The following SEC23IP variants were observed in gnomAD, a reference collection of about 807,000 sequenced individuals.
The protein encoded by SEC23IP is SEC23-interacting protein.
In SEC23IP, 70 loss-of-function variants were observed where a neutral mutation model predicts 113.4. The observed-to-expected ratio is 0.62, with a 90% CI of 0.51 to 0.75. The LOEUF is 0.75. Among genes scored for constraint, SEC23IP ranks in the 30% least tolerant of loss-of-function variants. The probability of loss-of-function intolerance (pLI) is 0.00; values close to 1 mark genes in which losing one functional copy is unlikely to be tolerated. For synonymous variants in SEC23IP, 398 were observed against 421.0 expected (o/e 0.95, Z 0.67); for missense variants, 1,160 against 1,204.9 (o/e 0.96, Z 0.55).
chr10:119,911,483 A>G (rs1854860862), intron 5 of SEC23IP, among the ~76,000 whole-genome samples: 1 of 151,160 alleles, frequency 6.6e-6, no homozygotes, highest in African/African-American at 2.4e-5. Context: ...ATTTTTGTTT[A>G]GTTTTTTTTT....
intron 1 of SEC23IP, among the ~76,000 whole-genome samples, chr10:119,897,269 G>T (rs997450358): frequency 2.0e-5 from 3 of 152,216 alleles, no homozygotes; most frequent in African/African-American, 7.2e-5. Flanking sequence ...TAAAAGTTTC[G>T]TAAGGAATAA....
At chr10:119,893,887 A>G (rs61870583) in intron 1 of SEC23IP, among the ~76,000 whole-genome samples, 5 of 152,078 alleles carry the variant, frequency 3.3e-5, no homozygotes, top group Middle Eastern at 3.4e-3. Context: ...CCCCACTCCT[A>G]TGTGCACTCC....
In SEC23IP at chr10:119,943,656, A is replaced by G. The variant is rs1172206306; in HGVS notation, c.*3091A>G. On this transcript the variant is annotated 3_prime_UTR_variant, in exon 19 of 19. Coordinates refer to ENST00000369075, the MANE Select transcript of SEC23IP (RefSeq NM_007190.4). Reference sequence around the variant, plus strand: ...CAGATTTCCCGAATGTATTGGTCCCAGAGAACACTGAAAATAATGTCATGT... The same window carrying G: ...CAGATTTCCCGAATGTATTGGTCCCGGAGAACACTGAAAATAATGTCATGT... 6.6e-6 allele frequency: 1 copy of G among 152,262 alleles called. No homozygotes were observed. Among genetic ancestry groups the G allele is most frequent in the East Asian group, 1.9e-4 (1 of 5,208 alleles). The allele number at this position is 152,262 out of a possible 1,614,324, so 9.4% of individuals were successfully genotyped here.
chr10:119,909,839 G>A (rs1854801748), intron 5 of SEC23IP, among the ~76,000 whole-genome samples: 1 of 152,044 alleles, frequency 6.6e-6, no homozygotes, highest in African/African-American at 2.4e-5. Flanking sequence ...GTAGTGAGCT[G>A]TGATCACGCT....
chr10:119,912,291 C>A, intron 6 of SEC23IP, 127 bp downstream of exon 6: 1 of 981,128 alleles, frequency 1.0e-6, no homozygotes, highest in Non-Finnish European at 1.5e-6. Context: ...CACCACCACT[C>A]CCAGCTAATA....
intron 2 of SEC23IP, 131 bp from the exon 3 acceptor site, chr10:119,902,668 G>T (rs1343892273): frequency 1.2e-5 from 9 of 742,734 alleles, no homozygotes; most frequent in South Asian, 3.5e-5. Flanking sequence ...TTGCTTTGGG[G>T]TCTAGTTATT....
At chr10:119,939,790 G>C (rs1241156828) in intron 18 of SEC23IP, among the ~76,000 whole-genome samples, 2 of 152,020 alleles carry the variant, frequency 1.3e-5, no homozygotes, top group East Asian at 3.9e-4. Context: ...CTGACTCCCA[G>C]GCTCAAGCGA....
intron 13 of SEC23IP, among the ~76,000 whole-genome samples, chr10:119,928,914 G>A (rs956237557): frequency 1.3e-5 from 2 of 152,242 alleles, no homozygotes; most frequent in Non-Finnish European, 2.9e-5. Flanking sequence ...TGCCGAGCTC[G>A]TGCTAAGCAC....
intron 15 of SEC23IP, among the ~76,000 whole-genome samples, chr10:119,930,950 G>T (rs1210252120): frequency 6.6e-6 from 1 of 152,168 alleles, no homozygotes. Context: ...GATGGGAGGG[G>T]TAGAAGAGAA....
In SEC23IP at chr10:119,942,890, G is replaced by A. The variant is rs1040360704; in HGVS notation, c.*2325G>A. The A allele has an allele frequency of 6.6e-6, 1 of 152,194 alleles. No homozygotes were observed. The highest frequency in any genetic ancestry group is 1.5e-5 in the Non-Finnish European group (1 of 68,042). The allele number at this position is 152,194 out of a possible 1,614,324, so 9.4% of individuals were successfully genotyped here. On this transcript the variant is annotated 3_prime_UTR_variant, in exon 19 of 19. Transcript: ENST00000369075. ...AACTGCACAGATTCGAGTGATTTTTGAGGTAAGTATGTTATTGGAAAGGTG... is the reference window on the plus strand; with the variant it reads ...AACTGCACAGATTCGAGTGATTTTTAAGGTAAGTATGTTATTGGAAAGGTG...
In SEC23IP at chr10:119,892,746, G is replaced by GT; in HGVS notation, c.-36dup. On this transcript the variant is annotated 5_prime_UTR_variant, in exon 1 of 19. Transcript: ENST00000369075. The stretch of plus-strand genomic sequence containing the variant: ...TTTCCGGTCAGTGGTGTGGTACCGG[G>GT]TACCCGGAGACGTGTATCGGACGGT... 1 of 1,572,112 alleles carries GT rather than the reference G, an allele frequency of 6.4e-7. No homozygotes were observed. Among genetic ancestry groups the GT allele is most frequent in the Non-Finnish European group, 8.6e-7 (1 of 1,157,730 alleles).
At position 119,898,379 on chromosome 10, in the gene SEC23IP, G is replaced by C. The variant is rs201918694; in HGVS notation, c.164-48G>C. 2.7e-4 allele frequency: 419 copies of C among 1,533,074 alleles called. 1 individual carries two copies. The South Asian group carries it at 3.1e-3, about 11-fold the overall frequency. The allele number at this position is 1,533,074 out of a possible 1,614,324, so 95.0% of individuals were successfully genotyped here. On this transcript the variant is annotated intron_variant, in intron 1 of 18. Coordinates refer to ENST00000369075, the MANE Select transcript of SEC23IP (RefSeq NM_007190.4). ...CCTTCCTTATAGAATCGTATCTGCG[G>C]AGTGATAGAGTACCCTTTAAACCAC... is the stretch of plus-strand genomic sequence containing the variant.
chr10:119,906,307 G>A (rs1422038803), intron 4 of SEC23IP, among the ~76,000 whole-genome samples: 16 of 149,016 alleles, frequency 1.1e-4, no homozygotes, highest in African/African-American at 1.5e-4. Context: ...AAAAAGAAAC[G>A]GAGCTAAACA....
chr10:119,907,079 T>C (rs1386397516), intron 4 of SEC23IP, among the ~76,000 whole-genome samples: 1 of 151,628 alleles, frequency 6.6e-6, no homozygotes, highest in Non-Finnish European at 1.5e-5. Context: ...GGCTGATTGC[T>C]TGAGATTAGG....
chr10:119,927,992 C>T (rs1262293712), intron 13 of SEC23IP, among the ~76,000 whole-genome samples: 2 of 152,202 alleles, frequency 1.3e-5, no homozygotes, highest in South Asian at 4.1e-4. Flanking sequence ...CTGGTATTAT[C>T]ATTTTCCTTT....
At chr10:119,903,111 C>G (rs1021812708) in intron 3 of SEC23IP, 102 bp downstream of exon 3, 2 of 934,104 alleles carry the variant, frequency 2.1e-6, no homozygotes, top group Admixed American at 4.7e-5. Flanking sequence ...TACCTTAATC[C>G]TTATAGACCC....
intron 6 of SEC23IP, among the ~76,000 whole-genome samples, chr10:119,914,160 C>CCAAAACAAAA (rs1008614440): frequency 4.6e-5 from 7 of 152,122 alleles, no homozygotes; most frequent in African/African-American, 1.7e-4. Flanking sequence ...AACTCCATCT[C>CCAAAACAAAA]CAAAACAAAA....
At chr10:119,937,695 A>G (rs1482638819) in intron 18 of SEC23IP, among the ~76,000 whole-genome samples, 1 of 151,856 alleles carries the variant, frequency 6.6e-6, no homozygotes, top group South Asian at 2.1e-4. Context: ...AGATATTTAC[A>G]TTTATTTTCT....
rs758907037 is a variant in SEC23IP, at chr10:119,892,989, G to C, written c.163+44G>C. On this transcript the variant is annotated intron_variant, in intron 1 of 18. Coordinates refer to ENST00000369075, the MANE Select transcript of SEC23IP (RefSeq NM_007190.4). Reference sequence around the variant, plus strand: ...CCCCGTGTGTGGTGGGAGGCGGGCGGGGGACGTGCAATGACAAAGGTCAGA... The same window carrying C: ...CCCCGTGTGTGGTGGGAGGCGGGCGCGGGACGTGCAATGACAAAGGTCAGA... The C allele has an allele frequency of 5.1e-6, 8 of 1,579,618 alleles. No individual in the cohort carries two copies. In the African/African-American group the frequency reaches 9.5e-5, roughly 19 times the overall value.
Sources: allele counts gnomAD v4.1 joint callset (sites outside exome capture counted in the v4.1 genomes callset), GRCh38; gene constraint gnomAD v4.1.1; transcripts MANE v1.5; gene names NCBI Gene and HGNC (gene_info 2026-07-23, HGNC 2026-07-21).